The following CSMD1 variants were observed in gnomAD, a reference collection of about 807,000 sequenced individuals.
CSMD1 encodes CUB and sushi domain-containing protein 1.
Under a neutral mutation model 417.5 loss-of-function variants are expected in CSMD1, and 213 were observed. That is an observed-to-expected ratio of 0.51 (90% CI 0.46 to 0.57). The LOEUF (loss-of-function observed/expected upper bound fraction) is 0.57, where lower values mean the gene tolerates loss of function less well. Ranked by LOEUF, CSMD1 falls within the 20% of genes least tolerant of loss-of-function variation. The probability of loss-of-function intolerance (pLI) is 0.00; values close to 1 mark genes in which losing one functional copy is unlikely to be tolerated. For synonymous variants in CSMD1, 2,862 were observed against 1,736.8 expected (o/e 1.65, Z -16.11); for missense variants, 6,923 against 4,529.7 (o/e 1.53, Z -15.17).
In CSMD1 at chr8:3,577,650, T is replaced by G. The variant is rs148077509; in HGVS notation, c.1223-2584A>C. Among the ~76,000 whole-genome samples, 4 of 152,330 alleles carry G rather than the reference T, an allele frequency of 2.6e-5. No homozygotes were observed. The East Asian group carries it at 7.7e-4, about 29-fold the overall frequency. On this transcript the variant is annotated intron_variant, in intron 9 of 69. Coordinates refer to ENST00000635120, the MANE Select transcript of CSMD1 (RefSeq NM_033225.6). ...TAGCTTCTGAATAGGTGTAACAGCC[T>G]TAAGTCACATAACCTAACTGTAATT...
At chr8:4,426,542 T>A (rs1239106173) in intron 2 of CSMD1, among the ~76,000 whole-genome samples, 1 of 147,514 alleles carries the variant, frequency 6.8e-6, no homozygotes, top group Non-Finnish European at 1.5e-5. Flanking sequence ...TACTGTATAA[T>A]ATATAGGATA....
intron 5 of CSMD1, among the ~76,000 whole-genome samples, chr8:3,876,634 G>C (rs942260755): frequency 1.3e-5 from 2 of 152,130 alleles, no homozygotes; most frequent in African/African-American, 2.4e-5. Flanking sequence ...TTTTGAGACA[G>C]AGTCTTGCTC....
At chr8:3,308,857 G>A (rs1000110798) in intron 23 of CSMD1, among the ~76,000 whole-genome samples, 2 of 151,364 alleles carry the variant, frequency 1.3e-5, no homozygotes, top group African/African-American at 4.9e-5. Context: ...CCAGGTAGCT[G>A]GGATTACAGG....
intron 21 of CSMD1, among the ~76,000 whole-genome samples, chr8:3,356,986 G>C (rs890249068): frequency 2.6e-5 from 4 of 152,098 alleles, no homozygotes; most frequent in African/African-American, 9.7e-5. Context: ...CCTGGGGTTG[G>C]TGGGGTCTGG....
At chr8:2,995,756 G>T (rs1382010782) in intron 54 of CSMD1, among the ~76,000 whole-genome samples, 1 of 152,160 alleles carries the variant, frequency 6.6e-6, no homozygotes, top group African/African-American at 2.4e-5. Flanking sequence ...CAACTTGGAT[G>T]AATCTCCGGA....
chr8:4,433,102 C>T (rs1272825484), intron 2 of CSMD1, among the ~76,000 whole-genome samples: 1 of 152,148 alleles, frequency 6.6e-6, no homozygotes, highest in African/African-American at 2.4e-5. Flanking sequence ...TCATTGTCTC[C>T]CATCACCTCC....
intron 3 of CSMD1, among the ~76,000 whole-genome samples, chr8:4,361,309 T>A (rs1006145454): frequency 1.3e-5 from 2 of 152,176 alleles, no homozygotes; most frequent in East Asian, 1.9e-4. Flanking sequence ...AGAAACTTAT[T>A]TTTAAAATAT....
chr8:4,436,729 T>C (rs1798169755), intron 2 of CSMD1, among the ~76,000 whole-genome samples: 2 of 152,158 alleles, frequency 1.3e-5, no homozygotes, highest in African/African-American at 2.4e-5. Flanking sequence ...ATGAGTTTAA[T>C]TGTTTTGATT....
At chr8:4,895,808 T>C (rs756403589) in intron 1 of CSMD1, among the ~76,000 whole-genome samples, 4 of 152,104 alleles carry the variant, frequency 2.6e-5, no homozygotes, top group Non-Finnish European at 4.4e-5. Flanking sequence ...GTACAGCTGC[T>C]CCTAAATCCC....
rs188027109 is a variant in CSMD1 at position 3,931,141 on chromosome 8, T to A, written c.818+66762A>T. On this transcript the variant is annotated intron_variant, in intron 5 of 69. Transcript: ENST00000635120. The stretch of plus-strand genomic sequence containing the variant: ...GATATTGCAGGGTAACCATAGATAA[T>A]TTCAGCTAAACATCGTCTGCATCTT... Among the ~76,000 whole-genome samples the A allele has an allele frequency of 3.5e-3, 530 of 150,806 alleles. 34 individuals are homozygous for A. The highest frequency in any genetic ancestry group is 0.012 in the African/African-American group (495 of 41,012).
intron 3 of CSMD1, among the ~76,000 whole-genome samples, chr8:4,162,280 T>C (rs1475714088): frequency 6.6e-6 from 1 of 152,218 alleles, no homozygotes; most frequent in Admixed American, 6.5e-5. Flanking sequence ...TTTCCAATAA[T>C]AAAGTTTGCT....
intron 1 of CSMD1, among the ~76,000 whole-genome samples, chr8:4,647,955 G>A (rs141293598): frequency 6.6e-6 from 1 of 152,150 alleles, no homozygotes; most frequent in Non-Finnish European, 1.5e-5. Flanking sequence ...CTGGTCAAAT[G>A]GTATTTCTGG....
intron 12 of CSMD1, among the ~76,000 whole-genome samples, chr8:3,437,029 TA>T (rs1160590599): frequency 9.2e-5 from 14 of 152,328 alleles, no homozygotes; most frequent in African/African-American, 3.4e-4. Context: ...ATTGCTCATT[TA>T]AAGTGTGGAG....
At chr8:4,172,021 T>C (rs1049986449) in intron 3 of CSMD1, among the ~76,000 whole-genome samples, 1 of 152,190 alleles carries the variant, frequency 6.6e-6, no homozygotes, top group Non-Finnish European at 1.5e-5. Context: ...CAGCACATAA[T>C]ATTTTCAAAT....
chr8:4,172,134 C>G (rs1797798027), intron 3 of CSMD1, among the ~76,000 whole-genome samples: 1 of 151,974 alleles, frequency 6.6e-6, no homozygotes, highest in Non-Finnish European at 1.5e-5. Flanking sequence ...GCATGACTAC[C>G]TAAAATTTGA....
At position 3,189,419 on chromosome 8, in the gene CSMD1, G is replaced by A. The variant is rs1181239888; in HGVS notation, c.5399-408C>T. Among the ~76,000 whole-genome samples, 3 of 152,204 alleles carry A rather than the reference G, an allele frequency of 2.0e-5. No individual in the cohort carries two copies. In the East Asian group the frequency reaches 5.8e-4, roughly 29 times the overall value. On this transcript the variant is annotated intron_variant, in intron 34 of 69. Coordinates refer to ENST00000635120, the MANE Select transcript of CSMD1 (RefSeq NM_033225.6). ...TTTATGAGCAAATTCAAGAGAAGAG[G>A]CGCTTAAAATGTACAAATGATTCAA...
intron 64 of CSMD1, 105 bp downstream of exon 64, chr8:2,955,484 C>G: frequency 9.1e-7 from 1 of 1,100,282 alleles, no homozygotes; most frequent in Non-Finnish European, 1.3e-6. Context: ...GCTGCAGCCT[C>G]ATGCTCTTAC....
intron 51 of CSMD1, among the ~76,000 whole-genome samples, chr8:3,023,369 G>T (rs534148506): frequency 3.9e-5 from 6 of 152,124 alleles, no homozygotes; most frequent in African/African-American, 1.4e-4. Context: ...TGTGATAAAT[G>T]TTTTTCTTTT....
chr8:3,887,162 G>T (rs1372029432), intron 5 of CSMD1, among the ~76,000 whole-genome samples: 1 of 152,052 alleles, frequency 6.6e-6, no homozygotes, highest in Non-Finnish European at 1.5e-5. Context: ...ATGCGTAGAG[G>T]GTATTCCAGC....
Sources: allele counts gnomAD v4.1 joint callset (sites outside exome capture counted in the v4.1 genomes callset), GRCh38; gene constraint gnomAD v4.1.1; transcripts MANE v1.5; gene names NCBI Gene and HGNC (gene_info 2026-07-23, HGNC 2026-07-21).